The following PRLR variants were observed in gnomAD, a reference collection of about 807,000 sequenced individuals.
PRLR encodes prolactin receptor.
Under a neutral mutation model 40.2 loss-of-function variants are expected in PRLR, and 13 were observed. The ratio of observed to expected loss-of-function variants is 0.32; its 90% CI spans 0.21 to 0.51. PRLR has a LOEUF of 0.51. Ranked by LOEUF, PRLR falls within the 20% of genes least tolerant of loss-of-function variation. The pLI is 0.97. For synonymous variants in PRLR, 269 were observed against 278.7 expected (o/e 0.97, Z 0.35); for missense variants, 656 against 747.3 (o/e 0.88, Z 1.42).
chr5:35,174,535 A>G (rs1187464028), intron 1 of PRLR, among the ~76,000 whole-genome samples: 1 of 152,206 alleles, frequency 6.6e-6, no homozygotes, highest in Non-Finnish European at 1.5e-5. Context: ...TTCTCTTTCA[A>G]ACAACACTGC....
intron 5 of PRLR, chr5:35,082,070 C>G (rs1770560743): frequency 6.5e-6 from 1 of 152,860 alleles, no homozygotes; most frequent in African/African-American, 2.4e-5. Context: ...CTGGCGAGTC[C>G]CTGTGGCACT....
chr5:35,056,588 A>T lies in PRLR; in HGVS notation c.*8501T>A, dbSNP rs1421409835. ...AGGTGTCAGATGGGATTCTGGCAAG[A>T]TGTGGCAATATTTAATTTCTGTTTT... On this transcript the variant is annotated 3_prime_UTR_variant, in exon 10 of 10. Coordinates refer to ENST00000618457, the MANE Select transcript of PRLR (RefSeq NM_000949.7). 6.6e-6 allele frequency: 1 copy of T among 152,202 alleles called. No individual in the cohort carries two copies. Among genetic ancestry groups the T allele is most frequent in the Admixed American group, 6.5e-5 (1 of 15,268 alleles). The allele number at this position is 152,202 out of a possible 1,614,324, so 9.4% of individuals were successfully genotyped here.
intron 1 of PRLR, among the ~76,000 whole-genome samples, chr5:35,184,935 GATA>G (rs1775386008): frequency 6.6e-6 from 1 of 152,230 alleles, no homozygotes; most frequent in Non-Finnish European, 1.5e-5. Flanking sequence ...GGTTTAGAAT[GATA>G]ATATTTTGGC....
chr5:35,181,305 A>C (rs1456815778), intron 1 of PRLR, among the ~76,000 whole-genome samples: 2 of 148,430 alleles, frequency 1.3e-5, no homozygotes, highest in East Asian at 2.0e-4. Context: ...TTAACTAGGC[A>C]TTAGAGTTTA....
chr5:35,131,615 C>T (rs776082159), intron 1 of PRLR, among the ~76,000 whole-genome samples: 3 of 152,116 alleles, frequency 2.0e-5, no homozygotes, highest in Non-Finnish European at 4.4e-5. Context: ...TTCCCTGGGA[C>T]GGGCTGGGGT....
chr5:35,097,823 T>TGGAAAG (rs1289506174), intron 2 of PRLR, among the ~76,000 whole-genome samples: 1 of 152,054 alleles, frequency 6.6e-6, no homozygotes, highest in Admixed American at 6.5e-5. Context: ...TCAAGATCTT[T>TGGAAAG]GGAAAGGGGG....
intron 5 of PRLR, among the ~76,000 whole-genome samples, chr5:35,074,014 A>G (rs925541856): frequency 1.3e-5 from 2 of 152,222 alleles, no homozygotes; most frequent in African/African-American, 4.8e-5. Context: ...TAGAGTTGCC[A>G]TATTGCCCAT....
intron 2 of PRLR, among the ~76,000 whole-genome samples, chr5:35,113,117 C>A (rs1444317807): frequency 6.8e-6 from 1 of 146,324 alleles, no homozygotes; most frequent in African/African-American, 2.5e-5. Flanking sequence ...AATCCATCAA[C>A]CCGCCCACCC....
intron 3 of PRLR, among the ~76,000 whole-genome samples, chr5:35,088,440 T>C (rs1446917956): frequency 6.6e-6 from 1 of 152,196 alleles, no homozygotes; most frequent in African/African-American, 2.4e-5. Flanking sequence ...ATGAGCACAC[T>C]CGGAAGCCAA....
intron 1 of PRLR, among the ~76,000 whole-genome samples, chr5:35,170,450 T>G (rs1348229689): frequency 6.6e-6 from 1 of 151,970 alleles, no homozygotes; most frequent in Non-Finnish European, 1.5e-5. Context: ...AGCCCAGGAG[T>G]TTTAGACCAG....
At chr5:35,108,489 CA>C (rs933821322) in intron 2 of PRLR, among the ~76,000 whole-genome samples, 1 of 152,124 alleles carries the variant, frequency 6.6e-6, no homozygotes. Flanking sequence ...CGTCTCAGCC[CA>C]AAAGCTGATA....
chr5:35,122,822 A>G (rs763371837), intron 1 of PRLR, among the ~76,000 whole-genome samples: 6 of 152,228 alleles, frequency 3.9e-5, no homozygotes, highest in Non-Finnish European at 8.8e-5. Flanking sequence ...AGTCAAAGGC[A>G]TGGGCCTTGT....
In PRLR at chr5:35,059,716, T is replaced by C. The variant is rs536847618; in HGVS notation, c.*5373A>G. On this transcript the variant is annotated 3_prime_UTR_variant, in exon 10 of 10. Coordinates refer to ENST00000618457, the MANE Select transcript of PRLR (RefSeq NM_000949.7). ...GAACTCCTGTTTTATTTTCAGATGATATATTTGCTAATCATAGAATAAGTT... is the reference window on the plus strand; with the variant it reads ...GAACTCCTGTTTTATTTTCAGATGACATATTTGCTAATCATAGAATAAGTT... 11 of 152,350 alleles carry C rather than the reference T, an allele frequency of 7.2e-5. No homozygotes were observed. The highest frequency in any genetic ancestry group is 1.6e-4 in the Non-Finnish European group (11 of 68,028). The allele number at this position is 152,350 out of a possible 1,614,324, so 9.4% of individuals were successfully genotyped here. A position where few individuals can be genotyped will look rare whatever the true frequency, so the allele number is the denominator to read the frequency against.
chr5:35,068,081 G>A, intron 9 of PRLR, 135 bp downstream of exon 9: 1 of 753,766 alleles, frequency 1.3e-6, no homozygotes, highest in Non-Finnish European at 2.3e-6. Flanking sequence ...TAACACACAT[G>A]CTGACCAGGA....
intron 1 of PRLR, among the ~76,000 whole-genome samples, chr5:35,191,094 G>A (rs1168650655): frequency 1.8e-5 from 1 of 54,574 alleles, no homozygotes; most frequent in Non-Finnish European, 3.3e-5. Flanking sequence ...TTTTTGAGAC[G>A]GAGTCTCGCT....
At chr5:35,088,972 A>G (rs948063113) in intron 3 of PRLR, among the ~76,000 whole-genome samples, 1 of 152,220 alleles carries the variant, frequency 6.6e-6, no homozygotes, top group Non-Finnish European at 1.5e-5. Flanking sequence ...AGGTACATAT[A>G]GAAGTCTGCA....
chr5:35,067,908 C>G (rs1769478933), intron 9 of PRLR, among the ~76,000 whole-genome samples: 1 of 152,180 alleles, frequency 6.6e-6, no homozygotes, highest in Admixed American at 6.5e-5. Flanking sequence ...AATATTCACT[C>G]TCTTTCTAAA....
Position 35,131,242 on chromosome 5 carries a change from G to T in PRLR, c.-105-13120C>A, listed in dbSNP as rs561528845. Among the ~76,000 whole-genome samples, 4 of 152,294 alleles carry T rather than the reference G, an allele frequency of 2.6e-5. No individual in the cohort carries two copies. In the South Asian group the frequency reaches 6.2e-4, roughly 24 times the overall value. On this transcript the variant is annotated intron_variant, in intron 1 of 9. Transcript: ENST00000618457. ...AAAAAGTTGGATGGTATGGGATTTT[G>T]TTGGCCTAATGTGGACACAGCACAT...
chr5:35,196,984 T>C (rs1775753942), intron 1 of PRLR, among the ~76,000 whole-genome samples: 2 of 152,144 alleles, frequency 1.3e-5, no homozygotes, highest in South Asian at 4.1e-4. Flanking sequence ...GTAAGCGCAC[T>C]AATCTCATTC....
Sources: gnomAD v4.1 joint callset for allele counts (sites outside exome capture counted in the v4.1 genomes callset) on GRCh38, gnomAD v4.1.1 for gene constraint, MANE v1.5 for transcripts, NCBI Gene and HGNC (gene_info 2026-07-23, HGNC 2026-07-21) for gene names.